Variants in FANCC observed in about 807,000 individuals in gnomAD.
FANCC encodes FA complementation group C, also known as Fanconi anemia group C protein.
In FANCC, 55 loss-of-function variants were observed where a neutral mutation model predicts 71.3. That is an observed-to-expected ratio of 0.77 (90% CI 0.62 to 0.97). The LOEUF is 0.97. Ranked by LOEUF, FANCC falls within the 50% of genes least tolerant of loss-of-function variation. The probability of loss-of-function intolerance (pLI) is 0.00; values close to 1 mark genes in which losing one functional copy is unlikely to be tolerated. For synonymous variants in FANCC, 275 were observed against 244.9 expected (o/e 1.12, Z -1.15); for missense variants, 678 against 670.9 (o/e 1.01, Z -0.12).
intron 1 of FANCC, among the ~76,000 whole-genome samples, chr9:95,263,037 G>A (rs1322192963): frequency 6.6e-6 from 1 of 152,198 alleles, no homozygotes; most frequent in South Asian, 2.1e-4. Context: ...GTTAAACAAT[G>A]TTAATGTAAT....
chr9:95,105,614 G>T (rs1346381330), intron 14 of FANCC, among the ~76,000 whole-genome samples: 5 of 152,108 alleles, frequency 3.3e-5, no homozygotes, highest in Non-Finnish European at 7.4e-5. Flanking sequence ...AGCACTGGCC[G>T]TCTCCTGCCC....
intron 1 of FANCC, among the ~76,000 whole-genome samples, chr9:95,262,424 G>A (rs1832109453): frequency 6.6e-6 from 1 of 152,126 alleles, no homozygotes; most frequent in Non-Finnish European, 1.5e-5. Context: ...AAAACAAACA[G>A]AAAACCATCT....
intron 6 of FANCC, among the ~76,000 whole-genome samples, chr9:95,155,024 G>A (rs1394100307): frequency 6.6e-6 from 1 of 150,824 alleles, no homozygotes; most frequent in Non-Finnish European, 1.5e-5. Flanking sequence ...TGGGCAACAT[G>A]GTGAAACCCT....
intron 4 of FANCC, among the ~76,000 whole-genome samples, chr9:95,201,210 A>AT (rs985447358): frequency 0.016 from 2,338 of 148,998 alleles, 55 homozygotes; most frequent in African/African-American, 0.052. Flanking sequence ...AATAAAAAAA[A>AT]TTTTTTTTTT....
chr9:95,142,263 G>T (rs978060557), intron 7 of FANCC, among the ~76,000 whole-genome samples: 1 of 151,994 alleles, frequency 6.6e-6, no homozygotes, highest in South Asian at 2.1e-4. Flanking sequence ...AAAGTGCTGG[G>T]ATTACAGGTG....
At chr9:95,114,566 G>T in intron 12 of FANCC, 63 bp downstream of exon 12, 1 of 1,398,632 alleles carries the variant, frequency 7.1e-7, no homozygotes, top group Non-Finnish European at 1.0e-6. Flanking sequence ...TGCTCAAAGG[G>T]CAGATGAGGA....
chr9:95,126,696 C>T, intron 8 of FANCC, 115 bp from the exon 9 acceptor site: 2 of 1,065,898 alleles, frequency 1.9e-6, no homozygotes, highest in Non-Finnish European at 2.9e-6. Context: ...AACTGGCATA[C>T]TCCTTTTGGT....
chr9:95,234,950 C>G (rs1342774632), intron 4 of FANCC, among the ~76,000 whole-genome samples: 1 of 152,214 alleles, frequency 6.6e-6, no homozygotes, highest in African/African-American at 2.4e-5. Context: ...TCAGGTCTCT[C>G]ACTGACTGGA....
At chr9:95,227,341 G>A (rs890145529) in intron 4 of FANCC, among the ~76,000 whole-genome samples, 4 of 152,164 alleles carry the variant, frequency 2.6e-5, no homozygotes, top group African/African-American at 9.7e-5. Flanking sequence ...GGCCTCTGGG[G>A]GCTCAGCTCA....
At chr9:95,299,602 T>C (rs187683447) in intron 1 of FANCC, among the ~76,000 whole-genome samples, 242 of 152,322 alleles carry the variant, frequency 1.6e-3, no homozygotes, top group African/African-American at 5.5e-3. Flanking sequence ...GGCTCACACC[T>C]GTAATTCCAG....
intron 7 of FANCC, among the ~76,000 whole-genome samples, chr9:95,145,847 C>T (rs893213524): frequency 6.6e-6 from 1 of 151,926 alleles, no homozygotes; most frequent in Non-Finnish European, 1.5e-5. Context: ...CACCGGAGAA[C>T]GGGGAAAACA....
At chr9:95,282,674 A>G (rs938435480) in intron 1 of FANCC, among the ~76,000 whole-genome samples, 3 of 152,228 alleles carry the variant, frequency 2.0e-5, no homozygotes, top group African/African-American at 4.8e-5. Context: ...AGTATAAATC[A>G]TATGTTAGGC....
At chr9:95,170,762 G>A (rs528469884) in intron 6 of FANCC, among the ~76,000 whole-genome samples, 15 of 151,542 alleles carry the variant, frequency 9.9e-5, no homozygotes, top group Admixed American at 6.6e-4. Flanking sequence ...CTTGCAGAGT[G>A]AGCAATCCCA....
chr9:95,144,892 A>G (rs375824582), intron 7 of FANCC, among the ~76,000 whole-genome samples: 11 of 152,320 alleles, frequency 7.2e-5, no homozygotes, highest in South Asian at 2.1e-4. Context: ...AGTATCTCAC[A>G]TAAGGACCAA....
chr9:95,195,256 T>C (rs1449872635), intron 4 of FANCC, among the ~76,000 whole-genome samples: 1 of 150,976 alleles, frequency 6.6e-6, no homozygotes, highest in East Asian at 1.9e-4. Flanking sequence ...TTTTTTTTTT[T>C]TTTTGAAAAG....
rs532769219 is a variant in FANCC at position 95,113,293 on chromosome 9, C to T, written c.1154+1336G>A. ...GTGTCACCCATTGTCTGTGTCAACTCGGTGTGAGACTACAGAGAATTCCAG... is the reference window on the plus strand; with the variant it reads ...GTGTCACCCATTGTCTGTGTCAACTTGGTGTGAGACTACAGAGAATTCCAG... On this transcript the variant is annotated intron_variant, in intron 12 of 14. Coordinates refer to ENST00000289081, the MANE Select transcript of FANCC (RefSeq NM_000136.3). Among the ~76,000 whole-genome samples, 58 of 152,220 alleles carry T rather than the reference C, an allele frequency of 3.8e-4. 1 individual carries two copies. Among genetic ancestry groups the T allele is most frequent in the Admixed American group, 1.3e-3 (20 of 15,294 alleles).
intron 1 of FANCC, among the ~76,000 whole-genome samples, chr9:95,276,702 G>C (rs148756926): frequency 2.4e-4 from 36 of 152,288 alleles, no homozygotes; most frequent in Non-Finnish European, 4.6e-4. Context: ...TTAAAGATCT[G>C]AAACATTTTC....
intron 1 of FANCC, among the ~76,000 whole-genome samples, chr9:95,304,158 A>G (rs1414647852): frequency 6.6e-6 from 1 of 152,252 alleles, no homozygotes; most frequent in Admixed American, 6.5e-5. Flanking sequence ...GGCAGTGACT[A>G]GAAATAATTC....
intron 7 of FANCC, among the ~76,000 whole-genome samples, chr9:95,137,330 C>T (rs1187369416): frequency 6.6e-6 from 1 of 152,096 alleles, no homozygotes; most frequent in Non-Finnish European, 1.5e-5. Flanking sequence ...AGGGAAGAGG[C>T]TGAAGACCCG....
Sources: gnomAD v4.1 joint callset for allele counts (sites outside exome capture counted in the v4.1 genomes callset) on GRCh38, gnomAD v4.1.1 for gene constraint, MANE v1.5 for transcripts, NCBI Gene and HGNC (gene_info 2026-07-23, HGNC 2026-07-21) for gene names.